TTC7B: variants seen among roughly 807,000 people sequenced by gnomAD.
TTC7B encodes tetratricopeptide repeat domain 7B, also known as tetratricopeptide repeat protein 7B.
A neutral mutation model predicts 106.8 loss-of-function variants in TTC7B; 28 were observed. The observed-to-expected ratio is 0.26, with a 90% CI of 0.19 to 0.36. The LOEUF (loss-of-function observed/expected upper bound fraction) is 0.36, where lower values mean the gene tolerates loss of function less well. Ranked by LOEUF, TTC7B falls within the 10% of genes least tolerant of loss-of-function variation. The pLI is 1.00. For synonymous variants in TTC7B, 405 were observed against 430.6 expected (o/e 0.94, Z 0.74); for missense variants, 862 against 1,076.4 (o/e 0.80, Z 2.79).
chr14:90,628,669 C>T (rs545902336), intron 15 of TTC7B, among the ~76,000 whole-genome samples: 28 of 152,322 alleles, frequency 1.8e-4, no homozygotes, highest in Non-Finnish European at 2.8e-4. Flanking sequence ...GAAGCTCAAG[C>T]GGCTCTCCAG....
At chr14:90,747,672 A>T (rs1890011049) in intron 3 of TTC7B, among the ~76,000 whole-genome samples, 1 of 152,192 alleles carries the variant, frequency 6.6e-6, no homozygotes, top group Non-Finnish European at 1.5e-5. Flanking sequence ...AGGCATCTAT[A>T]TCCTTACCAA....
intron 16 of TTC7B, among the ~76,000 whole-genome samples, chr14:90,612,488 G>A (rs949425778): frequency 1.2e-4 from 19 of 152,160 alleles, no homozygotes; most frequent in Admixed American, 1.2e-3. Context: ...ACACGATGAG[G>A]TATCGGCATT....
intron 14 of TTC7B, 49 bp from the exon 15 acceptor site, chr14:90,644,257 G>GCACA (rs199817416): frequency 0.06 from 69,410 of 1,165,920 alleles, 1,200 homozygotes; most frequent in African/African-American, 0.14. Context: ...ACATGCACAC[G>GCACA]CACACACACA....
At chr14:90,695,847 ACCTT>A (rs1887724422) in intron 5 of TTC7B, among the ~76,000 whole-genome samples, 3 of 152,180 alleles carry the variant, frequency 2.0e-5, no homozygotes, top group African/African-American at 7.2e-5. Context: ...AAAGCAAGAT[ACCTT>A]AGAAGAGTCT....
chr14:90,813,876 A>G (rs1224725401), intron 1 of TTC7B, among the ~76,000 whole-genome samples: 1 of 152,206 alleles, frequency 6.6e-6, no homozygotes, highest in Non-Finnish European at 1.5e-5. Flanking sequence ...TCCCTCTACC[A>G]GCCCGAGAGT....
At chr14:90,595,649 T>C (rs1008891615) in intron 17 of TTC7B, among the ~76,000 whole-genome samples, 2 of 152,196 alleles carry the variant, frequency 1.3e-5, no homozygotes, top group African/African-American at 4.8e-5. Context: ...TATTCCGCCA[T>C]TACCAAGTTG....
intron 7 of TTC7B, among the ~76,000 whole-genome samples, chr14:90,684,654 A>G (rs1363805951): frequency 9.9e-5 from 15 of 152,210 alleles, no homozygotes; most frequent in Admixed American, 9.8e-4. Flanking sequence ...TTCCATGTAT[A>G]TAAATTTCAA....
At chr14:90,772,355 TA>T (rs1182337655) in intron 3 of TTC7B, among the ~76,000 whole-genome samples, 2 of 152,172 alleles carry the variant, frequency 1.3e-5, no homozygotes, top group Non-Finnish European at 2.9e-5. Context: ...ATAGAGGCTT[TA>T]GTTAAATAGA....
intron 19 of TTC7B, among the ~76,000 whole-genome samples, chr14:90,557,319 G>A (rs919035178): frequency 1.3e-5 from 2 of 152,142 alleles, no homozygotes; most frequent in Admixed American, 1.3e-4. Context: ...AGTCACGTGG[G>A]GCAGAGGGCC....
intron 9 of TTC7B, among the ~76,000 whole-genome samples, chr14:90,667,826 C>A (rs531780392): frequency 1.6e-3 from 244 of 152,262 alleles, no homozygotes; most frequent in African/African-American, 5.7e-3. Flanking sequence ...ATTACCAGGG[C>A]ATCTTTACTA....
intron 14 of TTC7B, among the ~76,000 whole-genome samples, chr14:90,644,441 T>C (rs957821937): frequency 3.3e-5 from 5 of 152,172 alleles, no homozygotes; most frequent in Admixed American, 2.6e-4. Context: ...TTCTGACTGA[T>C]AGAGTGATAC....
chr14:90,607,439 A>G (rs1892689276), intron 17 of TTC7B, among the ~76,000 whole-genome samples: 1 of 152,220 alleles, frequency 6.6e-6, no homozygotes, highest in South Asian at 2.1e-4. Context: ...CATGACGCTG[A>G]TAAGCTGCCA....
chr14:90,718,630 C>T (rs761736426), intron 5 of TTC7B, among the ~76,000 whole-genome samples: 1 of 152,048 alleles, frequency 6.6e-6, no homozygotes, highest in Non-Finnish European at 1.5e-5. Context: ...CTGTCCTATT[C>T]GGCCTTAGAT....
At chr14:90,610,597 C>A in intron 17 of TTC7B, 145 bp downstream of exon 17, 2 of 649,466 alleles carry the variant, frequency 3.1e-6, no homozygotes, top group East Asian at 2.6e-5. Context: ...GACACTGGAG[C>A]AATGCACCTC....
chr14:90,623,696 C>A (rs980565221), intron 15 of TTC7B, among the ~76,000 whole-genome samples: 2 of 152,226 alleles, frequency 1.3e-5, no homozygotes, highest in African/African-American at 4.8e-5. Flanking sequence ...GGTGTTGCTC[C>A]TGGGATCTTT....
At chr14:90,613,892 T>C (rs1892968046) in intron 16 of TTC7B, among the ~76,000 whole-genome samples, 1 of 152,262 alleles carries the variant, frequency 6.6e-6, no homozygotes, top group African/African-American at 2.4e-5. Flanking sequence ...TTCCCTATTA[T>C]CACTGAATTG....
At chr14:90,651,409 G>T (rs977970043) in intron 13 of TTC7B, among the ~76,000 whole-genome samples, 1 of 152,154 alleles carries the variant, frequency 6.6e-6, no homozygotes, top group African/African-American at 2.4e-5. Context: ...GAACAAAAAA[G>T]AATTCAGGCC....
intron 4 of TTC7B, among the ~76,000 whole-genome samples, chr14:90,737,091 G>A (rs1889563926): frequency 6.6e-6 from 1 of 151,862 alleles, no homozygotes; most frequent in Non-Finnish European, 1.5e-5. Flanking sequence ...CTTAAACATG[G>A]AAAATTACTG....
intron 5 of TTC7B, among the ~76,000 whole-genome samples, chr14:90,728,624 G>A (rs968337120): frequency 2.0e-5 from 3 of 152,096 alleles, no homozygotes; most frequent in African/African-American, 7.2e-5. Flanking sequence ...GTGTCTCAGG[G>A]CCCAGTAGTC....
Sources: gnomAD v4.1 joint callset for allele counts (sites outside exome capture counted in the v4.1 genomes callset) on GRCh38, gnomAD v4.1.1 for gene constraint, MANE v1.5 for transcripts, NCBI Gene and HGNC (gene_info 2026-07-23, HGNC 2026-07-21) for gene names.